ARHGAP42: variants seen among roughly 807,000 people sequenced by gnomAD.
ARHGAP42 encodes the protein rho GTPase-activating protein 42.
ARHGAP42 carries 63 observed loss-of-function variants against 125.0 expected under a neutral mutation model. The ratio of observed to expected loss-of-function variants is 0.50; its 90% CI spans 0.41 to 0.62. ARHGAP42 has a LOEUF of 0.62. Among genes scored for constraint, ARHGAP42 ranks in the 20% least tolerant of loss-of-function variants. The probability of loss-of-function intolerance (pLI) is 0.00; values close to 1 mark genes in which losing one functional copy is unlikely to be tolerated. For missense variants in ARHGAP42, 766 were observed against 1,024.2 expected (o/e 0.75, Z 3.44); for synonymous variants, 339 against 351.0 (o/e 0.97, Z 0.38).
intron 1 of ARHGAP42, among the ~76,000 whole-genome samples, chr11:100,731,317 C>T (rs1861953626): frequency 6.6e-6 from 1 of 152,068 alleles, no homozygotes; most frequent in Non-Finnish European, 1.5e-5. Context: ...TGCCACCATG[C>T]CCGGCTAATT....
intron 4 of ARHGAP42, among the ~76,000 whole-genome samples, chr11:100,870,976 G>T (rs74916781): frequency 6.7e-6 from 1 of 149,874 alleles, no homozygotes; most frequent in Non-Finnish European, 1.5e-5. Context: ...ATTTTCCAAA[G>T]AATTGTAATA....
At chr11:100,699,506 A>AT (rs869243290) in intron 1 of ARHGAP42, among the ~76,000 whole-genome samples, 15 of 31,756 alleles carry the variant, frequency 4.7e-4, no homozygotes, top group South Asian at 2.4e-3. Context: ...ATATATATAT[A>AT]TTTTTTTTTT....
intron 4 of ARHGAP42, among the ~76,000 whole-genome samples, chr11:100,864,249 A>G (rs1188161281): frequency 1.3e-5 from 2 of 151,650 alleles, no homozygotes; most frequent in African/African-American, 2.4e-5. Flanking sequence ...CAGTAGCGCA[A>G]TCTCGGCTCA....
intron 4 of ARHGAP42, among the ~76,000 whole-genome samples, chr11:100,882,241 GC>G (rs1265275173): frequency 6.6e-6 from 1 of 152,104 alleles, no homozygotes; most frequent in African/African-American, 2.4e-5. Context: ...GTCATAGATG[GC>G]TTTTATTACG....
At chr11:100,842,923 GA>G (rs966325576) in intron 3 of ARHGAP42, among the ~76,000 whole-genome samples, 1 of 151,428 alleles carries the variant, frequency 6.6e-6, no homozygotes, top group South Asian at 2.1e-4. Context: ...AGAGAAACAA[GA>G]AAAAAACCAA....
At chr11:100,849,613 T>C (rs1459688768) in intron 3 of ARHGAP42, among the ~76,000 whole-genome samples, 1 of 152,164 alleles carries the variant, frequency 6.6e-6, no homozygotes, top group Admixed American at 6.5e-5. Flanking sequence ...AACAACACTG[T>C]GATTAAATTT....
At position 100,964,817 on chromosome 11, in the gene ARHGAP42, A is replaced by G. The variant is rs1858048910; in HGVS notation, c.1445-854A>G. Among the ~76,000 whole-genome samples the G allele has an allele frequency of 2.0e-5, 3 of 152,154 alleles. No homozygotes were observed. In the South Asian group the frequency reaches 6.2e-4, roughly 32 times the overall value. Reference sequence around the variant, plus strand: ...TATGTAATAATGCTAACATTTCAGAACAGCCCTTCTGTATTGTCTTTATAT... The same window carrying G: ...TATGTAATAATGCTAACATTTCAGAGCAGCCCTTCTGTATTGTCTTTATAT... On this transcript the variant is annotated intron_variant, in intron 16 of 23. Transcript: ENST00000298815.
chr11:100,920,272 A>C (rs779220374), intron 5 of ARHGAP42, among the ~76,000 whole-genome samples: 9 of 152,292 alleles, frequency 5.9e-5, no homozygotes, highest in Non-Finnish European at 1.2e-4. Flanking sequence ...TAAATGCATG[A>C]TAAGTATAGA....
chr11:100,883,281 G>T (rs2135179729), intron 4 of ARHGAP42, among the ~76,000 whole-genome samples: 1 of 152,112 alleles, frequency 6.6e-6, no homozygotes, highest in Non-Finnish European at 1.5e-5. Context: ...ATTCATTTTT[G>T]ATATCCCTAG....
chr11:100,878,613 C>T (rs1286220035), intron 4 of ARHGAP42, among the ~76,000 whole-genome samples: 5 of 152,164 alleles, frequency 3.3e-5, no homozygotes, highest in Admixed American at 3.3e-4. Flanking sequence ...ATACCACATT[C>T]TCTCATTTGA....
chr11:100,989,380 A>G lies in ARHGAP42; in HGVS notation c.*579A>G, dbSNP rs1465509867. ...TGATAATATTCAAAAGCAATAATGTATATGATATCTATAAAGGAAGCAAAA... is the reference window on the plus strand; with the variant it reads ...TGATAATATTCAAAAGCAATAATGTGTATGATATCTATAAAGGAAGCAAAA... On this transcript the variant is annotated 3_prime_UTR_variant, in exon 24 of 24. Transcript: ENST00000298815. 8.5e-6 allele frequency: 3 copies of G among 352,564 alleles called. No homozygotes were observed. The highest frequency in any genetic ancestry group is 1.5e-4 in the South Asian group (1 of 6,642). The allele number at this position is 352,564 out of a possible 1,614,324, so 21.8% of individuals were successfully genotyped here.
At chr11:100,869,168 G>A (rs1865642370) in intron 4 of ARHGAP42, among the ~76,000 whole-genome samples, 1 of 151,932 alleles carries the variant, frequency 6.6e-6, no homozygotes, top group Admixed American at 6.6e-5. Context: ...GCATCTAGAT[G>A]AACATTACTT....
In ARHGAP42 at chr11:100,725,146, G is replaced by A. The variant is rs192595080; in HGVS notation, c.154+37314G>A. Among the ~76,000 whole-genome samples the A allele has an allele frequency of 2.0e-5, 3 of 149,900 alleles. No homozygotes were observed. The East Asian group carries it at 5.8e-4, about 29-fold the overall frequency. On this transcript the variant is annotated intron_variant, in intron 1 of 23. Coordinates refer to ENST00000298815, the MANE Select transcript of ARHGAP42 (RefSeq NM_152432.4). ...TATAATTCTATTTGCTCCCTTATGC[G>A]CCCATTTTATTGCTTTTAAATATTT...
rs368206959 is a variant in ARHGAP42, at chr11:100,926,474, G to A, written c.597+4870G>A. Among the ~76,000 whole-genome samples, 24 of 152,284 alleles carry A rather than the reference G, an allele frequency of 1.6e-4. No homozygotes were observed. The East Asian group carries it at 2.7e-3, about 17-fold the overall frequency. On this transcript the variant is annotated intron_variant, in intron 6 of 23. Coordinates refer to ENST00000298815, the MANE Select transcript of ARHGAP42 (RefSeq NM_152432.4). The stretch of plus-strand genomic sequence containing the variant: ...AAATGGACGATTAGAAAATTATATA[G>A]TGTAGTTATATTAATTCCTTAAAAT...
At chr11:100,726,330 T>C (rs1482054790) in intron 1 of ARHGAP42, among the ~76,000 whole-genome samples, 1 of 151,998 alleles carries the variant, frequency 6.6e-6, no homozygotes, top group Non-Finnish European at 1.5e-5. Context: ...GTGGAGATAC[T>C]GGTGGTGCTG....
Position 100,974,553 on chromosome 11 carries a change from G to A in ARHGAP42, c.1805G>A (p.Gly602Glu), listed in dbSNP as rs1858338956. 5 of 1,551,018 alleles carry A rather than the reference G, an allele frequency of 3.2e-6. No homozygotes were observed. The East Asian group carries it at 1.2e-4, about 38-fold the overall frequency. ...ACACGAGCAATCTGCCTCTCTACAG[G>A]GTCTAGGAAGCCCAGAGGGAGGTAT... ...RRTRAICLSTGSRKPRGRYTP... is the reference protein window; with the variant it reads ...RRTRAICLSTESRKPRGRYTP... Residue 602 changes from glycine (G) to glutamate (E), a missense_variant, in exon 19 of 24, where the codon GGG becomes GAG. Physicochemically the swap from Gly to Glu is moderately conservative, Grantham distance 98. Coordinates refer to ENST00000298815, the MANE Select transcript of ARHGAP42 (RefSeq NM_152432.4).
intron 2 of ARHGAP42, among the ~76,000 whole-genome samples, chr11:100,778,020 A>G (rs1804288249): frequency 6.6e-6 from 1 of 152,124 alleles, no homozygotes. Flanking sequence ...ATAAAAAGTA[A>G]AAATTTAGCC....
At chr11:100,788,396 A>G (rs1863484677) in intron 2 of ARHGAP42, among the ~76,000 whole-genome samples, 1 of 152,200 alleles carries the variant, frequency 6.6e-6, no homozygotes, top group Non-Finnish European at 1.5e-5. Context: ...GTGAGCCTTT[A>G]GATTACAAGG....
At chr11:100,793,108 T>G (rs1863610394) in intron 2 of ARHGAP42, among the ~76,000 whole-genome samples, 1 of 152,178 alleles carries the variant, frequency 6.6e-6, no homozygotes, top group Admixed American at 6.5e-5. Flanking sequence ...CAACCCAAAC[T>G]GACCTACCTC....
Sources: allele counts gnomAD v4.1 joint callset (sites outside exome capture counted in the v4.1 genomes callset), GRCh38; gene constraint gnomAD v4.1.1; transcripts MANE v1.5; gene names NCBI Gene and HGNC (gene_info 2026-07-23, HGNC 2026-07-21).